The following SLC23A2 variants were observed in gnomAD, a reference collection of about 807,000 sequenced individuals.
SLC23A2 encodes the protein solute carrier family 23 member 2.
Under a neutral mutation model 73.3 loss-of-function variants are expected in SLC23A2, and 36 were observed. That is an observed-to-expected ratio of 0.49 (90% CI 0.38 to 0.65). The LOEUF (loss-of-function observed/expected upper bound fraction) is 0.65, where lower values mean the gene tolerates loss of function less well. SLC23A2 is among the 30% of genes least tolerant of loss of function. The probability of loss-of-function intolerance (pLI) is 0.00; values close to 1 mark genes in which losing one functional copy is unlikely to be tolerated. For missense variants in SLC23A2, 507 were observed against 841.6 expected (o/e 0.60, Z 4.92); for synonymous variants, 343 against 327.3 (o/e 1.05, Z -0.52).
intron 1 of SLC23A2, among the ~76,000 whole-genome samples, chr20:4,990,770 G>A (rs1293102888): frequency 3.3e-5 from 5 of 150,934 alleles, no homozygotes; most frequent in African/African-American, 1.2e-4. Context: ...ATCGCTAGAG[G>A]TCAAGAGTTC....
At chr20:4,952,748 G>C (rs2087221948) in intron 2 of SLC23A2, among the ~76,000 whole-genome samples, 1 of 152,218 alleles carries the variant, frequency 6.6e-6, no homozygotes, top group Admixed American at 6.5e-5. Flanking sequence ...AAATAGGCCA[G>C]GCGCAGTGGC....
At chr20:4,873,888 G>T (rs749926389) in intron 11 of SLC23A2, 48 bp downstream of exon 11, 2 of 1,560,128 alleles carry the variant, frequency 1.3e-6, no homozygotes, top group Non-Finnish European at 1.7e-6. Flanking sequence ...ACCCCTCTCA[G>T]TTGGGCCCTC....
At chr20:4,965,696 G>A (rs1240047485) in intron 2 of SLC23A2, among the ~76,000 whole-genome samples, 2 of 152,178 alleles carry the variant, frequency 1.3e-5, no homozygotes, top group Non-Finnish European at 2.9e-5. Flanking sequence ...GCCGGGCGCG[G>A]TGGCTCAAGC....
chr20:4,857,097 T>A lies in SLC23A2; in HGVS notation c.1828A>T (p.Ile610Leu), dbSNP rs780531243. The A allele has an allele frequency of 1.2e-6, 2 of 1,613,964 alleles. No individual in the cohort carries two copies. Among genetic ancestry groups the A allele is most frequent in the African/African-American group, 2.7e-5 (2 of 74,930 alleles). ...TAGCTGAAGCATCTGTATTTTTTTA[T>A]AATGTTCATGCCAAATGGCAAATTG... ...SYNLPFGMNI[I>L]KKYRCFSYLP... The change falls in exon 17 of 17, where the codon ATA (isoleucine) becomes TTA (leucine). Residue 610 changes from isoleucine to leucine, a missense_variant. Ile to Leu is a conservative substitution (Grantham distance 5). Transcript: ENST00000338244. This position sits in a 1 kb window ranked among gnomAD's most constrained non-coding sequence, Gnocchi z 4.0.
rs765552879 is a variant in SLC23A2, at chr20:4,857,155, T to C, written c.1770A>G (p.Lys590=). ...GIRKWKKGVG[K]GNKSLDGMES... is the part of the protein sequence containing the mutation. Reference sequence around the variant, plus strand: ...CCATGCCGTCGAGTGATTTGTTCCCTTTGCCCACACCCTTCTTCCATTTCC... The same window carrying C: ...CCATGCCGTCGAGTGATTTGTTCCCCTTGCCCACACCCTTCTTCCATTTCC... The change falls in exon 17 of 17, where the codon AAA becomes AAG. Residue 590 remains lysine (K), a synonymous_variant. Transcript: ENST00000338244. The surrounding 1 kb of genome is among the most constrained non-coding windows in gnomAD (Gnocchi z 4.0). The C allele has an allele frequency of 6.2e-7, 1 of 1,613,564 alleles. No individual in the cohort carries two copies. The highest frequency in any genetic ancestry group is 1.1e-5 in the South Asian group (1 of 91,048).
intron 7 of SLC23A2, among the ~76,000 whole-genome samples, 158 bp downstream of exon 7, chr20:4,885,663 C>T (rs545497678): frequency 2.0e-5 from 3 of 152,182 alleles, no homozygotes; most frequent in East Asian, 1.9e-4. Flanking sequence ...GAGACAGACA[C>T]GATCCACAGA....
At chr20:4,935,778 G>A (rs1317957819) in intron 2 of SLC23A2, among the ~76,000 whole-genome samples, 3 of 151,900 alleles carry the variant, frequency 2.0e-5, no homozygotes, top group Non-Finnish European at 4.4e-5. Flanking sequence ...CAGCCTGGGC[G>A]ACAGAGCGAG....
intron 2 of SLC23A2, among the ~76,000 whole-genome samples, chr20:4,933,045 T>C (rs940149111): frequency 6.6e-6 from 1 of 152,196 alleles, no homozygotes; most frequent in African/African-American, 2.4e-5. Context: ...AATAGAACTT[T>C]CTGCAATGAG....
chr20:4,964,404 T>G (rs572180897), intron 2 of SLC23A2, among the ~76,000 whole-genome samples: 15 of 152,274 alleles, frequency 9.9e-5, no homozygotes, highest in African/African-American at 3.6e-4. Flanking sequence ...GCAAAATAAT[T>G]AAAACAGGCT....
chr20:4,918,608 C>A (rs6116581), intron 3 of SLC23A2, among the ~76,000 whole-genome samples: 2 of 152,060 alleles, frequency 1.3e-5, no homozygotes, highest in African/African-American at 4.8e-5. Flanking sequence ...AAGTCATTGC[C>A]TAGAGGTGTC....
intron 13 of SLC23A2, among the ~76,000 whole-genome samples, chr20:4,864,273 C>T (rs971123378): frequency 1.3e-5 from 2 of 152,206 alleles, no homozygotes; most frequent in Admixed American, 6.5e-5. Context: ...ACACCGGCCA[C>T]ATCTCAAGTG....
rs1425768215 is a variant in SLC23A2, at chr20:4,998,229, C to A, written c.-282+3177G>T. ...CAGATTCCTCTTCACAGAACCAGAT[C>A]TCATTGTCCACATCCCTACAGTGTG... On this transcript the variant is annotated intron_variant, in intron 1 of 16. Coordinates refer to ENST00000338244, the MANE Select transcript of SLC23A2 (RefSeq NM_005116.6). The surrounding 1 kb of genome is among the most constrained non-coding windows in gnomAD (Gnocchi z 4.1). 6.6e-6 allele frequency among the ~76,000 whole-genome samples: 1 copy of A among 152,192 alleles called. No homozygotes were observed. Among genetic ancestry groups the A allele is most frequent in the Admixed American group, 6.5e-5 (1 of 15,274 alleles).
At chr20:4,981,460 T>C (rs2087724195) in intron 1 of SLC23A2, among the ~76,000 whole-genome samples, 3 of 152,174 alleles carry the variant, frequency 2.0e-5, no homozygotes, top group Admixed American at 2.0e-4. Flanking sequence ...TGGAATCACC[T>C]GGAAGTGCTC....
In SLC23A2 at chr20:4,853,181, G is replaced by C. The variant is rs907280739; in HGVS notation, c.*3791C>G. ...CCGGAGCCGCACACTAACGCGGCGT[G>C]CAGCAGGTGTGGCTGGGTGTGCACA... On this transcript the variant is annotated 3_prime_UTR_variant, in exon 17 of 17. Coordinates refer to ENST00000338244, the MANE Select transcript of SLC23A2 (RefSeq NM_005116.6). The C allele has an allele frequency of 6.6e-6, 1 of 152,328 alleles. No homozygotes were observed. Among genetic ancestry groups the C allele is most frequent in the Non-Finnish European group, 1.5e-5 (1 of 68,092 alleles). 9.4% of individuals were successfully genotyped at this position (152,328 alleles called of 1,614,324 possible).
intron 1 of SLC23A2, among the ~76,000 whole-genome samples, chr20:4,974,704 C>T (rs1367502046): frequency 3.9e-5 from 6 of 152,028 alleles, no homozygotes; most frequent in African/African-American, 1.4e-4. Context: ...GTATTTTTTT[C>T]AAGGTCTTAC....
At chr20:4,966,913 A>T (rs1393856493) in intron 2 of SLC23A2, among the ~76,000 whole-genome samples, 1 of 146,282 alleles carries the variant, frequency 6.8e-6, no homozygotes, top group Non-Finnish European at 1.5e-5. Flanking sequence ...TATCCTACAC[A>T]GTCAGCTGGG....
In SLC23A2 at chr20:4,902,361, A is replaced by C; in HGVS notation, c.324+81T>G. 1 of 801,434 alleles carries C rather than the reference A, an allele frequency of 1.2e-6. No homozygotes were observed. Among genetic ancestry groups the C allele is most frequent in the South Asian group, 1.7e-5 (1 of 58,746 alleles). The allele number at this position is 801,434 out of a possible 1,614,324, so 49.6% of individuals were successfully genotyped here. A position where few individuals can be genotyped will look rare whatever the true frequency, so the allele number is the denominator to read the frequency against. On this transcript the variant is annotated intron_variant, in intron 5 of 16. Coordinates refer to ENST00000338244, the MANE Select transcript of SLC23A2 (RefSeq NM_005116.6). The surrounding 1 kb of genome is among the most constrained non-coding windows in gnomAD (Gnocchi z 4.0). ...AAAGTCTTCAATAAACAAAAACCAAAGTGGAATTTTTAAACAATTCCAGAT... is the reference window on the plus strand; with the variant it reads ...AAAGTCTTCAATAAACAAAAACCAACGTGGAATTTTTAAACAATTCCAGAT...
At chr20:4,885,103 C>A (rs1052673248) in intron 7 of SLC23A2, among the ~76,000 whole-genome samples, 12 of 152,166 alleles carry the variant, frequency 7.9e-5, no homozygotes, top group African/African-American at 2.4e-4. Context: ...CACAAAAAAA[C>A]CAACCTTTGC....
chr20:4,897,186 C>A (rs1472130950), intron 6 of SLC23A2, among the ~76,000 whole-genome samples: 1 of 152,172 alleles, frequency 6.6e-6, no homozygotes, highest in Admixed American at 6.5e-5. Flanking sequence ...TTTCTCTTTG[C>A]CCAGGTTAAG....
Sources: gnomAD v4.1 joint callset for allele counts (sites outside exome capture counted in the v4.1 genomes callset) on GRCh38, gnomAD v4.1.1 for gene constraint, Gnocchi (gnomAD v3.1) non-coding constraint, MANE v1.5 for transcripts, NCBI Gene and HGNC (gene_info 2026-07-23, HGNC 2026-07-21) for gene names.